The following RNF17 variants were observed in gnomAD, a reference collection of about 807,000 sequenced individuals.
The protein encoded by RNF17 is ring finger protein 17.
RNF17 carries 31 observed loss-of-function variants against 200.5 expected under a neutral mutation model. That is an observed-to-expected ratio of 0.15 (90% CI 0.12 to 0.21). RNF17 has a LOEUF of 0.21. RNF17 is among the 10% of genes least tolerant of loss of function. The pLI is 1.00. For missense variants in RNF17, 1,628 were observed against 1,905.1 expected, an observed-to-expected ratio of 0.85 and a Z score of 2.71; for synonymous variants, 606 against 637.8, an observed-to-expected ratio of 0.95 and a Z score of 0.75.
At chr13:24,763,348 G>C (rs779407152), upstream of RNF17, among the ~76,000 whole-genome samples, 32 of 147,362 alleles carry the variant, frequency 2.2e-4, no homozygotes, top group Non-Finnish European at 3.6e-4. Context: ...AACTACAGGC[G>C]CCCACCGCCA....
chr13:24,811,423 G>T (rs981307157), intron 15 of RNF17, among the ~76,000 whole-genome samples: 1 of 152,042 alleles, frequency 6.6e-6, no homozygotes, highest in Non-Finnish European at 1.5e-5. Flanking sequence ...CTTTCTTCCA[G>T]TTGATCGCAT....
chr13:24,800,380 A>G lies in RNF17; in HGVS notation c.1604A>G (p.His535Arg), dbSNP rs141516246. Residue 535 changes from histidine (H) to arginine (R), a missense_variant, in exon 13 of 36, where the codon CAT becomes CGT. By Grantham distance (29) the His-to-Arg change is conservative. Coordinates refer to ENST00000255324, the MANE Select transcript of RNF17 (RefSeq NM_031277.3). ...ATTTCTCCTAGAGTTGTTGATACCC[A>G]TGTGAGACCAGAACACTCTGCTAAG... ...VLIVTGVVDT[H>R]VRPEHSAKQH... The G allele has an allele frequency of 1.9e-6, 3 of 1,595,222 alleles. No individual in the cohort carries two copies. The highest frequency in any genetic ancestry group is 1.3e-5 in the African/African-American group (1 of 74,562).
intron 15 of RNF17, among the ~76,000 whole-genome samples, chr13:24,812,687 T>TCACCC (rs1566168476): frequency 4.0e-5 from 1 of 24,732 alleles, no homozygotes; most frequent in Non-Finnish European, 9.1e-5. Flanking sequence ...CCACCCCCTT[T>TCACCC]TTTTTTTTTT....
chr13:24,778,951 G>A (rs1256865414), intron 4 of RNF17, among the ~76,000 whole-genome samples: 1 of 152,228 alleles, frequency 6.6e-6, no homozygotes, highest in East Asian at 1.9e-4. Context: ...CACTTTGGGA[G>A]ACCAAGATGG....
intron 6 of RNF17, among the ~76,000 whole-genome samples, chr13:24,785,687 AGATATTGAAGTCTCTAAT>A (rs1883015090): frequency 6.6e-6 from 1 of 152,058 alleles, no homozygotes; most frequent in South Asian, 2.1e-4. Context: ...ATTGGAAGGG[AGATATTGAAGTCTCTAAT>A]GATTATTGTA....
chr13:24,769,999 G>A (rs979655437), intron 2 of RNF17, among the ~76,000 whole-genome samples: 2 of 152,094 alleles, frequency 1.3e-5, no homozygotes, highest in Admixed American at 6.5e-5. Flanking sequence ...TTATACCTAG[G>A]TGCTATATTA....
At chr13:24,854,901 A>C (rs527482087) in intron 25 of RNF17, among the ~76,000 whole-genome samples, 8 of 152,196 alleles carry the variant, frequency 5.3e-5, no homozygotes, top group Non-Finnish European at 1.2e-4. Context: ...CCATGATAAG[A>C]AGCAGCATCG....
intron 26 of RNF17, among the ~76,000 whole-genome samples, chr13:24,860,432 A>G (rs76815854): frequency 0.014 from 2,192 of 152,142 alleles, 55 homozygotes; most frequent in African/African-American, 0.046. Flanking sequence ...TCATTTCTTA[A>G]TCTGATATCT....
intron 21 of RNF17, 73 bp downstream of exon 21, chr13:24,844,875 AAC>A (rs1891071235): frequency 1.4e-5 from 22 of 1,568,198 alleles, no homozygotes; most frequent in Non-Finnish European, 1.8e-5. Context: ...CTGGAGTTAA[AAC>A]AGTTTTCATT....
At chr13:24,836,785 T>C (rs71431710) in intron 18 of RNF17, among the ~76,000 whole-genome samples, 33,980 of 147,092 alleles carry the variant, frequency 0.23, 4,328 homozygotes, top group East Asian at 0.4. Context: ...ACACCAGACC[T>C]GTAAAACAAA....
At chr13:24,768,371 G>A (rs1464571842) in intron 2 of RNF17, among the ~76,000 whole-genome samples, 1 of 143,654 alleles carries the variant, frequency 7.0e-6, no homozygotes, top group Non-Finnish European at 1.5e-5. Flanking sequence ...TGCAACCTCC[G>A]CCTCCCAGGT....
intron 31 of RNF17, 109 bp downstream of exon 31, chr13:24,868,825 C>T: frequency 1.4e-6 from 1 of 697,998 alleles, no homozygotes; most frequent in Non-Finnish European, 2.5e-6. Context: ...TCAAATGTTG[C>T]AAATTCGTGA....
Position 24,864,972 on chromosome 13 carries a change from G to T in RNF17, c.4075G>T (p.Glu1359Ter). 6.4e-7 allele frequency: 1 copy of T among 1,561,200 alleles called. No individual in the cohort carries two copies. Among genetic ancestry groups the T allele is most frequent in the Non-Finnish European group, 8.7e-7 (1 of 1,152,112 alleles). ...GGCATACTATAAATACTGTACTTCT[G>T]AACATACTGAGGAGATGTTGAAAGA... ...FMAYYKYCTSEHTEEMLKEKP... is the reference protein window; with the variant it reads ...FMAYYKYCTS The change falls in exon 29 of 36, where the codon GAA (glutamate) becomes TAA (stop). Residue 1359 changes from glutamate to a stop codon, truncating the protein, a stop_gained. Transcript: ENST00000255324. LOFTEE classifies it high-confidence loss of function.
intron 34 of RNF17, among the ~76,000 whole-genome samples, chr13:24,878,263 C>T (rs1895072321): frequency 6.6e-6 from 1 of 152,192 alleles, no homozygotes; most frequent in African/African-American, 2.4e-5. Flanking sequence ...ATTGCATGTG[C>T]AGAGTGGTAT....
At chr13:24,776,365 C>G (rs1420416341) in intron 3 of RNF17, among the ~76,000 whole-genome samples, 1 of 152,212 alleles carries the variant, frequency 6.6e-6, no homozygotes, top group East Asian at 1.9e-4. Context: ...ACCGTAGCTT[C>G]TCTTTGCAGA....
intron 15 of RNF17, among the ~76,000 whole-genome samples, chr13:24,821,663 A>G (rs867339292): frequency 2.0e-5 from 3 of 151,874 alleles, no homozygotes; most frequent in Admixed American, 2.0e-4. Flanking sequence ...TAGTTATTAT[A>G]CTTTTGAGCT....
chr13:24,865,661 T>C (rs1893539581), intron 29 of RNF17, among the ~76,000 whole-genome samples: 1 of 152,196 alleles, frequency 6.6e-6, no homozygotes, highest in African/African-American at 2.4e-5. Flanking sequence ...AACCAAACAT[T>C]GTTCTATGGA....
At chr13:24,884,869 C>T (rs1029888969), downstream of RNF17, among the ~76,000 whole-genome samples, 20 of 152,148 alleles carry the variant, frequency 1.3e-4, no homozygotes, top group African/African-American at 4.6e-4. Flanking sequence ...AAAAAATTCC[C>T]TCATCACCTC....
At chr13:24,881,459 A>C (rs1355578865), downstream of RNF17, among the ~76,000 whole-genome samples, 1 of 151,744 alleles carries the variant, frequency 6.6e-6, no homozygotes, top group Non-Finnish European at 1.5e-5. Flanking sequence ...TTTTCCTTTA[A>C]GGTTTGTGTT....
Sources: allele counts gnomAD v4.1 joint callset (sites outside exome capture counted in the v4.1 genomes callset), GRCh38; gene constraint gnomAD v4.1.1; transcripts MANE v1.5; gene names NCBI Gene and HGNC (gene_info 2026-07-23, HGNC 2026-07-21).